The following GPC6 variants were observed in gnomAD, a reference collection of about 807,000 sequenced individuals.
GPC6 encodes the protein glypican 6, also known as glypican-6.
In GPC6, 14 loss-of-function variants were observed where a neutral mutation model predicts 55.2. The ratio of observed to expected loss-of-function variants is 0.25; its 90% confidence interval spans 0.17 to 0.40. The LOEUF (loss-of-function observed/expected upper bound fraction) is 0.40. Among genes scored for constraint, GPC6 ranks in the 10% least tolerant of loss-of-function variants. GPC6 has a pLI of 1.00. For missense variants in GPC6, 641 were observed against 708.5 expected (o/e 0.90, Z 1.08); for synonymous variants, 278 against 259.6 (o/e 1.07, Z -0.68).
At chr13:93,455,957 C>G (rs976260847) in intron 1 of GPC6, among the ~76,000 whole-genome samples, 1 of 152,138 alleles carries the variant, frequency 6.6e-6, no homozygotes, top group Non-Finnish European at 1.5e-5. Context: ...TCTTTATTTA[C>G]TAGGCCAACT....
intron 1 of GPC6, among the ~76,000 whole-genome samples, chr13:93,334,559 T>G (rs4773735): frequency 0.29 from 43,821 of 151,912 alleles, 7,309 homozygotes; most frequent in East Asian, 0.55. Flanking sequence ...GCCTCCTGGG[T>G]TCAAGCGATT....
chr13:93,901,944 T>C (rs1876381460), intron 3 of GPC6, among the ~76,000 whole-genome samples: 1 of 146,808 alleles, frequency 6.8e-6, no homozygotes, highest in Non-Finnish European at 1.5e-5. Flanking sequence ...CATTGACACA[T>C]AATAATTATA....
chr13:94,351,105 A>C (rs949839229), intron 6 of GPC6, among the ~76,000 whole-genome samples: 3 of 151,528 alleles, frequency 2.0e-5, no homozygotes, highest in African/African-American at 7.3e-5. Flanking sequence ...CAGCTATACT[A>C]AACTTCCTGA....
chr13:93,933,561 G>A (rs1878287360), intron 3 of GPC6, among the ~76,000 whole-genome samples: 1 of 151,764 alleles, frequency 6.6e-6, no homozygotes. Context: ...AATAATAATA[G>A]TAATTATCAT....
chr13:94,233,340 G>A (rs541508091), intron 4 of GPC6, among the ~76,000 whole-genome samples: 14 of 152,160 alleles, frequency 9.2e-5, no homozygotes, highest in African/African-American at 3.1e-4. Flanking sequence ...TAATCTTATT[G>A]TCAATAAAGA....
intron 1 of GPC6, among the ~76,000 whole-genome samples, chr13:93,382,821 C>G (rs929225862): frequency 6.6e-6 from 1 of 152,142 alleles, no homozygotes; most frequent in East Asian, 1.9e-4. Context: ...TATCTCATTT[C>G]CTTTTCAACA....
At chr13:93,230,916 T>G (rs1461567714) in intron 1 of GPC6, among the ~76,000 whole-genome samples, 2 of 152,162 alleles carry the variant, frequency 1.3e-5, no homozygotes, top group Non-Finnish European at 2.9e-5. Flanking sequence ...TCATTAATTA[T>G]AACACTTTGT....
At chr13:93,398,642 A>G (rs923263318) in intron 1 of GPC6, among the ~76,000 whole-genome samples, 12 of 152,182 alleles carry the variant, frequency 7.9e-5, no homozygotes, top group African/African-American at 2.7e-4. Context: ...AATGGCAGCT[A>G]GCATGCACTG....
At chr13:94,316,797 T>C (rs1876563833) in intron 6 of GPC6, among the ~76,000 whole-genome samples, 1 of 152,248 alleles carries the variant, frequency 6.6e-6, no homozygotes, top group Admixed American at 6.5e-5. Flanking sequence ...CAATATGTAT[T>C]TTAAATGAGG....
chr13:94,216,935 CT>C (rs1320447418), intron 4 of GPC6, among the ~76,000 whole-genome samples: 2 of 152,190 alleles, frequency 1.3e-5, no homozygotes, highest in African/African-American at 2.4e-5. Flanking sequence ...GTCAGAAGAT[CT>C]GGGTCTCAAA....
chr13:94,188,430 A>G (rs1373620382), intron 4 of GPC6, among the ~76,000 whole-genome samples: 2 of 152,222 alleles, frequency 1.3e-5, no homozygotes, highest in Admixed American at 1.3e-4. Context: ...GATTTTTATC[A>G]TAACAAAGGA....
At chr13:93,945,249 T>G (rs1878949149) in intron 3 of GPC6, among the ~76,000 whole-genome samples, 1 of 152,254 alleles carries the variant, frequency 6.6e-6, no homozygotes, top group South Asian at 2.1e-4. Context: ...TAAAATACTC[T>G]ATTTGCAGTT....
chr13:94,241,826 A>T (rs1891061634), intron 4 of GPC6, among the ~76,000 whole-genome samples: 1 of 152,130 alleles, frequency 6.6e-6, no homozygotes, highest in South Asian at 2.1e-4. Context: ...TGAAATGTTG[A>T]TCACAAATTC....
At chr13:93,621,349 A>G (rs1052262679) in intron 2 of GPC6, among the ~76,000 whole-genome samples, 2 of 152,176 alleles carry the variant, frequency 1.3e-5, no homozygotes, top group African/African-American at 4.8e-5. Flanking sequence ...TTTTCTGAAC[A>G]CCCTGTCTTT....
chr13:93,824,228 A>T (rs1887155476), intron 2 of GPC6, among the ~76,000 whole-genome samples: 1 of 152,216 alleles, frequency 6.6e-6, no homozygotes, highest in Admixed American at 6.5e-5. Context: ...ATGAGTGAGG[A>T]AATAAAGGAT....
chr13:94,261,176 G>A (rs1891646196), intron 4 of GPC6, among the ~76,000 whole-genome samples: 1 of 152,144 alleles, frequency 6.6e-6, no homozygotes, highest in South Asian at 2.1e-4. Flanking sequence ...TTGGGAGGCT[G>A]AGGCAGAAGA....
At chr13:93,434,030 T>C (rs924436940) in intron 1 of GPC6, among the ~76,000 whole-genome samples, 2 of 152,198 alleles carry the variant, frequency 1.3e-5, no homozygotes, top group African/African-American at 4.8e-5. Flanking sequence ...ATATGTACTA[T>C]ATGAAGTTAC....
chr13:93,984,558 C>G (rs956629794), intron 3 of GPC6, among the ~76,000 whole-genome samples: 1 of 152,128 alleles, frequency 6.6e-6, no homozygotes, highest in Non-Finnish European at 1.5e-5. Flanking sequence ...TATCATAGGA[C>G]TTTCCTTAGA....
chr13:93,285,636 G>GTGTGTGTGTGTGTGTA (rs1555287692), intron 1 of GPC6, among the ~76,000 whole-genome samples: 43 of 149,128 alleles, frequency 2.9e-4, no homozygotes, highest in Admixed American at 1.7e-3. Flanking sequence ...GTGTGTGTGT[G>GTGTGTGTGTGTGTGTA]TGTGTGTGTG....
Sources: gnomAD v4.1 joint callset for allele counts (sites outside exome capture counted in the v4.1 genomes callset) on GRCh38, gnomAD v4.1.1 for gene constraint, MANE v1.5 for transcripts, NCBI Gene and HGNC (gene_info 2026-07-23, HGNC 2026-07-21) for gene names.